Variants in CHN1 observed in about 807,000 individuals in gnomAD.
CHN1 encodes the protein chimerin 1, also known as N-chimaerin.
CHN1 carries 37 observed loss-of-function variants against 59.5 expected under a neutral mutation model. The ratio of observed to expected loss-of-function variants is 0.62; its 90% CI spans 0.48 to 0.82. CHN1 has a LOEUF of 0.82. CHN1 is among the 40% of genes least tolerant of loss of function. The pLI is 0.00. For synonymous variants in CHN1, 206 were observed against 200.4 expected (o/e 1.03, Z -0.24); for missense variants, 469 against 571.0 (o/e 0.82, Z 1.82).
intron 8 of CHN1, among the ~76,000 whole-genome samples, chr2:174,822,699 G>C (rs1685541842): frequency 6.6e-6 from 1 of 152,192 alleles, no homozygotes; most frequent in Non-Finnish European, 1.5e-5. Context: ...TTGTGAAACT[G>C]CAATGCACAC....
rs756998207 is a variant in CHN1, at chr2:174,877,839, C to T, written c.549+1G>A. ...TAAAGTGTGGTTTCATAGTAGCTTA[C>T]CCTTTTCTCTGACACCCCATCCTGG... On this transcript the variant is annotated splice_donor_variant, in intron 6 of 12. Coordinates refer to ENST00000409900, the MANE Select transcript of CHN1 (RefSeq NM_001822.7). LOFTEE classifies it high-confidence loss of function. 3 of 1,610,536 alleles carry T rather than the reference C, an allele frequency of 1.9e-6. No homozygotes were observed. The highest frequency in any genetic ancestry group is 2.5e-6 in the Non-Finnish European group (3 of 1,177,892).
chr2:174,997,912 G>A (rs944127986), intron 1 of CHN1, among the ~76,000 whole-genome samples: 1 of 150,590 alleles, frequency 6.6e-6, no homozygotes, highest in African/African-American at 2.5e-5. Context: ...GCTCAAATCC[G>A]GGAGGCAGAG....
chr2:175,003,555 T>C (rs376693963), intron 1 of CHN1, among the ~76,000 whole-genome samples: 2 of 152,190 alleles, frequency 1.3e-5, no homozygotes, highest in Admixed American at 6.5e-5. Context: ...GGAAAGAAAA[T>C]GTTTGTACCA....
chr2:174,904,928 T>C (rs1688500022), intron 5 of CHN1, among the ~76,000 whole-genome samples: 1 of 152,120 alleles, frequency 6.6e-6, no homozygotes, highest in Non-Finnish European at 1.5e-5. Flanking sequence ...TTGAAGTCCT[T>C]GAGCCAGTCA....
chr2:174,937,923 C>T (rs1273766778), intron 3 of CHN1, among the ~76,000 whole-genome samples: 1 of 152,114 alleles, frequency 6.6e-6, no homozygotes, highest in Non-Finnish European at 1.5e-5. Context: ...TTCTGCAGAA[C>T]AATGGGCCAA....
intron 5 of CHN1, among the ~76,000 whole-genome samples, chr2:174,899,298 T>C (rs935743810): frequency 6.6e-6 from 1 of 152,188 alleles, no homozygotes; most frequent in Admixed American, 6.5e-5. Context: ...TAGTAGCAAT[T>C]ACATGTGAAC....
intron 8 of CHN1, among the ~76,000 whole-genome samples, chr2:174,820,618 G>T (rs377366020): frequency 6.6e-6 from 1 of 152,194 alleles, no homozygotes; most frequent in Admixed American, 6.5e-5. Context: ...CTTGCACTGC[G>T]TGGTTTTGAA....
chr2:174,933,463 G>A lies in CHN1; in HGVS notation c.114+11425C>T, dbSNP rs558033388. ...GAGAAAGTCATCACTTGTATCAGAT[G>A]CTCCTAATGGGATGATGAGAGGAAA... On this transcript the variant is annotated intron_variant, in intron 3 of 12. Coordinates refer to ENST00000409900, the MANE Select transcript of CHN1 (RefSeq NM_001822.7). Among the ~76,000 whole-genome samples, 5 of 152,220 alleles carry A rather than the reference G, an allele frequency of 3.3e-5. No homozygotes were observed. In the South Asian group the frequency reaches 8.3e-4, roughly 25 times the overall value.
intron 7 of CHN1, 69 bp downstream of exon 7, chr2:174,846,811 A>C: frequency 7.4e-7 from 1 of 1,342,868 alleles, no homozygotes; most frequent in Non-Finnish European, 1.0e-6. Flanking sequence ...AAGACATAAG[A>C]TATTCCTTTA....
chr2:174,941,540 A>G (rs373922578), intron 3 of CHN1, among the ~76,000 whole-genome samples: 17 of 152,296 alleles, frequency 1.1e-4, no homozygotes, highest in African/African-American at 3.1e-4. Flanking sequence ...GCTCTATCCT[A>G]TATTACAAAC....
chr2:175,003,235 T>C (rs1228530364), intron 1 of CHN1, among the ~76,000 whole-genome samples: 5 of 152,240 alleles, frequency 3.3e-5, no homozygotes, highest in Admixed American at 1.3e-4. Context: ...ACGTTCACAC[T>C]GTAACAAACT....
intron 8 of CHN1, among the ~76,000 whole-genome samples, chr2:174,823,582 G>C (rs1685574539): frequency 6.6e-6 from 1 of 152,040 alleles, no homozygotes; most frequent in African/African-American, 2.4e-5. Context: ...AGAATGGCCT[G>C]AACCTGGGAG....
intron 5 of CHN1, among the ~76,000 whole-genome samples, chr2:174,880,775 C>T (rs764357862): frequency 1.4e-4 from 21 of 152,238 alleles, no homozygotes; most frequent in Non-Finnish European, 2.4e-4. Flanking sequence ...TTGCCGGGTG[C>T]GGTGGCTCAC....
intron 2 of CHN1, among the ~76,000 whole-genome samples, chr2:174,947,335 G>C (rs946445322): frequency 1.3e-5 from 2 of 152,082 alleles, no homozygotes. Flanking sequence ...GTCACATAAG[G>C]TTATTTACTT....
rs1689706702 is a variant in CHN1, at chr2:174,942,880, T to A, written c.114+2008A>T. Among the ~76,000 whole-genome samples, 6 of 151,842 alleles carry A rather than the reference T, an allele frequency of 4.0e-5. No individual in the cohort carries two copies. The South Asian group carries it at 1.2e-3, about 32-fold the overall frequency. On this transcript the variant is annotated intron_variant, in intron 3 of 12. Transcript: ENST00000409900. ...GCTTGGGCAACATGGCGAAACCCCATCTCTACAAAAAAGTACAAAAATTAG... is the reference window on the plus strand; with the variant it reads ...GCTTGGGCAACATGGCGAAACCCCAACTCTACAAAAAAGTACAAAAATTAG...
chr2:174,889,277 T>A (rs1415796627), intron 5 of CHN1, among the ~76,000 whole-genome samples: 1 of 152,070 alleles, frequency 6.6e-6, no homozygotes, highest in Non-Finnish European at 1.5e-5. Flanking sequence ...AGGTGGTTTT[T>A]TTTTCAAACA....
intron 3 of CHN1, among the ~76,000 whole-genome samples, chr2:174,933,576 T>C (rs1689415126): frequency 6.6e-6 from 1 of 152,224 alleles, no homozygotes; most frequent in Non-Finnish European, 1.5e-5. Context: ...GGTAAAGTTC[T>C]GAGTGCAGAC....
chr2:175,004,464 G>T (rs987610801), intron 1 of CHN1, among the ~76,000 whole-genome samples: 3 of 152,088 alleles, frequency 2.0e-5, no homozygotes, highest in Non-Finnish European at 4.4e-5. Flanking sequence ...AGTCCAACAG[G>T]AAGCAACACA....
In CHN1 at chr2:174,938,329, T is replaced by C. The variant is rs116760221; in HGVS notation, c.114+6559A>G. On this transcript the variant is annotated intron_variant, in intron 3 of 12. Coordinates refer to ENST00000409900, the MANE Select transcript of CHN1 (RefSeq NM_001822.7). ...TTTTTAGATCAACTCTATCCCACTATTTAATCCTTTACTTTCATTTCTAAT... is the reference window on the plus strand; with the variant it reads ...TTTTTAGATCAACTCTATCCCACTACTTAATCCTTTACTTTCATTTCTAAT... Among the ~76,000 whole-genome samples the C allele has an allele frequency of 8.2e-3, 1,242 of 152,286 alleles. 19 individuals are homozygous for C. The highest frequency in any genetic ancestry group is 0.028 in the African/African-American group (1,178 of 41,574).
Sources: gnomAD v4.1 joint callset for allele counts (sites outside exome capture counted in the v4.1 genomes callset) on GRCh38, gnomAD v4.1.1 for gene constraint, MANE v1.5 for transcripts, NCBI Gene and HGNC (gene_info 2026-07-23, HGNC 2026-07-21) for gene names.